The following DPYD variants were observed in gnomAD, a reference collection of about 807,000 sequenced individuals.
The protein encoded by DPYD is dihydropyrimidine dehydrogenase [NADP(+)].
A neutral mutation model predicts 116.2 loss-of-function variants in DPYD; 109 were observed. The ratio of observed to expected loss-of-function variants is 0.94; its 90% CI spans 0.80 to 1.10. The LOEUF is 1.10. Ranked by LOEUF, DPYD falls within the 50% of genes least tolerant of loss-of-function variation. The pLI is 0.00. For synonymous variants in DPYD, 440 were observed against 432.0 expected, an observed-to-expected ratio of 1.02 and a Z score of -0.23; for missense variants, 1,302 against 1,254.5, an observed-to-expected ratio of 1.04 and a Z score of -0.57.
rs186090835 is a variant in DPYD, at chr1:97,794,087, G to A, written c.233+34027C>T. ...CAAGTAGCTGGGACTACAGGCATGC[G>A]CCACTATGCCCAGCTAATTTTTGTA... On this transcript the variant is annotated intron_variant, in intron 3 of 22. Transcript: ENST00000370192. 9.2e-5 allele frequency among the ~76,000 whole-genome samples: 14 copies of A among 152,062 alleles called. No homozygotes were observed. In the South Asian group the frequency reaches 1.7e-3, roughly 18 times the overall value.
At chr1:97,737,136 A>G (rs1460469050) in intron 4 of DPYD, among the ~76,000 whole-genome samples, 1 of 152,104 alleles carries the variant, frequency 6.6e-6, no homozygotes, top group Non-Finnish European at 1.5e-5. Context: ...CTGTAATTCT[A>G]TAACTTTGGA....
intron 13 of DPYD, among the ~76,000 whole-genome samples, chr1:97,504,850 C>T (rs1332745433): frequency 1.5e-5 from 2 of 137,190 alleles, no homozygotes; most frequent in African/African-American, 5.6e-5. Flanking sequence ...CTGGTGGTCA[C>T]GAGATCTGAT....
At chr1:97,586,465 C>CATATATATAT (rs57301424) in intron 10 of DPYD, among the ~76,000 whole-genome samples, 4 of 34,310 alleles carry the variant, frequency 1.2e-4, no homozygotes, top group Admixed American at 5.1e-4. Context: ...TACATACATA[C>CATATATATAT]ATATATATAT....
At chr1:97,162,523 A>T (rs1655999356) in intron 20 of DPYD, among the ~76,000 whole-genome samples, 1 of 152,208 alleles carries the variant, frequency 6.6e-6, no homozygotes, top group Non-Finnish European at 1.5e-5. Flanking sequence ...CATGGGTAGG[A>T]AGAATTAGTA....
At chr1:97,521,068 T>C (rs920485275) in intron 12 of DPYD, among the ~76,000 whole-genome samples, 4 of 152,312 alleles carry the variant, frequency 2.6e-5, no homozygotes, top group African/African-American at 9.6e-5. Flanking sequence ...TCCACAATGG[T>C]TGAACTAATT....
At chr1:97,095,644 A>G (rs1168632194) in intron 21 of DPYD, among the ~76,000 whole-genome samples, 1 of 151,920 alleles carries the variant, frequency 6.6e-6, no homozygotes, top group African/African-American at 2.4e-5. Context: ...GTATATATAT[A>G]CATATATACA....
chr1:97,181,070 C>G (rs992312716), intron 20 of DPYD, among the ~76,000 whole-genome samples: 5 of 152,132 alleles, frequency 3.3e-5, no homozygotes, highest in African/African-American at 1.2e-4. Flanking sequence ...AATCCATGTT[C>G]TGTACTATCT....
chr1:97,150,437 A>G (rs1489777238), intron 20 of DPYD, among the ~76,000 whole-genome samples: 4 of 152,150 alleles, frequency 2.6e-5, no homozygotes, highest in Non-Finnish European at 5.9e-5. Flanking sequence ...GAATGAATGA[A>G]AGCACCATTC....
chr1:97,861,777 C>T (rs896810225), intron 2 of DPYD, among the ~76,000 whole-genome samples: 19 of 151,888 alleles, frequency 1.3e-4, no homozygotes, highest in Non-Finnish European at 2.4e-4. Flanking sequence ...GATGACAATA[C>T]TAATTGTTGG....
At chr1:97,225,662 T>C (rs1245388720) in intron 19 of DPYD, among the ~76,000 whole-genome samples, 1 of 150,360 alleles carries the variant, frequency 6.7e-6, no homozygotes, top group Non-Finnish European at 1.5e-5. Context: ...TCCAAATCCA[T>C]AGGAAGTCTT....
chr1:97,562,656 G>T (rs1038134677), intron 11 of DPYD, among the ~76,000 whole-genome samples: 1 of 152,082 alleles, frequency 6.6e-6, no homozygotes, highest in African/African-American at 2.4e-5. Context: ...TCCATATTTT[G>T]GGAGTAGATA....
intron 20 of DPYD, among the ~76,000 whole-genome samples, chr1:97,151,440 G>T (rs1215704633): frequency 6.6e-6 from 1 of 152,098 alleles, no homozygotes; most frequent in Admixed American, 6.6e-5. Context: ...TTGGGAGGCC[G>T]AGGCAGGCAG....
intron 20 of DPYD, among the ~76,000 whole-genome samples, chr1:97,161,507 AATATACAGAGAC>A (rs1655893944): frequency 6.6e-6 from 1 of 152,146 alleles, no homozygotes; most frequent in South Asian, 2.1e-4. Flanking sequence ...ATATACTTGG[AATATACAGAGAC>A]ATTATCCTAC....
intron 18 of DPYD, among the ~76,000 whole-genome samples, chr1:97,286,068 C>T (rs1255132767): frequency 6.6e-6 from 1 of 152,094 alleles, no homozygotes; most frequent in East Asian, 1.9e-4. Flanking sequence ...CCGGTTGTTC[C>T]TTTCCATGTT....
rs1274777366 is a variant in DPYD at position 97,386,282 on chromosome 1, A to AT, written c.1906-3822_1906-3821insA. Reference sequence around the variant, plus strand: ...CCTCAGTGGAACTGGGAAAGTTAAAACTTTTTTTTTTTTCTCCTTGGTCAC... The same window carrying AT: ...CCTCAGTGGAACTGGGAAAGTTAAAATCTTTTTTTTTTTTCTCCTTGGTCAC... On this transcript the variant is annotated intron_variant, in intron 14 of 22. Transcript: ENST00000370192. 4.2e-3 allele frequency among the ~76,000 whole-genome samples: 124 copies of AT among 29,530 alleles called. 2 individuals carry two copies. In the South Asian group the frequency reaches 0.25, roughly 60 times the overall value. The allele number at this position is 29,530 out of a possible 152,430, so 19.4% of individuals were successfully genotyped here.
intron 11 of DPYD, among the ~76,000 whole-genome samples, chr1:97,556,747 G>C (rs1570954253): frequency 6.7e-6 from 1 of 150,186 alleles, no homozygotes; most frequent in Middle Eastern, 3.5e-3. Context: ...TCTTAATCCA[G>C]TCTATCATTG....
chr1:97,173,787 A>G (rs547895374), intron 20 of DPYD, among the ~76,000 whole-genome samples: 2 of 148,618 alleles, frequency 1.3e-5, no homozygotes, highest in East Asian at 4.0e-4. Flanking sequence ...GAGTTCAGAA[A>G]AGATGTGCGA....
At chr1:97,491,345 G>T (rs1678964624) in intron 13 of DPYD, among the ~76,000 whole-genome samples, 1 of 151,758 alleles carries the variant, frequency 6.6e-6, no homozygotes, top group Non-Finnish European at 1.5e-5. Context: ...AAGTGCACAG[G>T]AATAGTTTTA....
At chr1:97,322,300 C>T (rs562057302) in intron 16 of DPYD, among the ~76,000 whole-genome samples, 57 of 151,674 alleles carry the variant, frequency 3.8e-4, no homozygotes, top group African/African-American at 1.3e-3. Flanking sequence ...CTTCCCACTG[C>T]TGCTGTAGGA....
Sources: gnomAD v4.1 joint callset for allele counts (sites outside exome capture counted in the v4.1 genomes callset) on GRCh38, gnomAD v4.1.1 for gene constraint, MANE v1.5 for transcripts, NCBI Gene and HGNC (gene_info 2026-07-23, HGNC 2026-07-21) for gene names.